NFIA: variants seen among roughly 807,000 people sequenced by gnomAD.
NFIA encodes the protein nuclear factor 1 A-type.
Under a neutral mutation model 62.8 loss-of-function variants are expected in NFIA, and 8 were observed. That is an observed-to-expected ratio of 0.13 (90% CI 0.07 to 0.23). The LOEUF is 0.23. NFIA is among the 10% of genes least tolerant of loss of function. NFIA has a pLI of 1.00. For synonymous variants in NFIA, 235 were observed against 238.1 expected (o/e 0.99, Z 0.12); for missense variants, 410 against 642.1 (o/e 0.64, Z 3.91).
At chr1:61,118,191 CAAAAA>C (rs10719154) in intron 2 of NFIA, among the ~76,000 whole-genome samples, 7 of 131,280 alleles carry the variant, frequency 5.3e-5, no homozygotes, top group African/African-American at 1.7e-4. Context: ...TCTCAAAGAA[CAAAAA>C]AAAAAAAAAG....
chr1:61,375,936 C>A (rs1664130971), intron 6 of NFIA, among the ~76,000 whole-genome samples: 1 of 152,090 alleles, frequency 6.6e-6, no homozygotes, highest in Non-Finnish European at 1.5e-5. Context: ...CTTCTATGTG[C>A]CTCACTCTCC....
chr1:61,248,792 T>A (rs1655819250), intron 2 of NFIA, among the ~76,000 whole-genome samples: 1 of 152,214 alleles, frequency 6.6e-6, no homozygotes, highest in African/African-American at 2.4e-5. Flanking sequence ...CAATTAAATC[T>A]TCCCCAGCCC....
Position 61,456,156 on chromosome 1 carries a change from T to C in NFIA, c.*836T>C, listed in dbSNP as rs570393639. On this transcript the variant is annotated 3_prime_UTR_variant, in exon 11 of 11. Transcript: ENST00000403491. ...AACTGACAGGAATCAATCAAAACAA[T>C]CGAATTTTGAATTGAGTAAAGTGCA... The C allele has an allele frequency of 1.3e-5, 2 of 152,626 alleles. No individual in the cohort carries two copies. Among genetic ancestry groups the C allele is most frequent in the African/African-American group, 4.8e-5 (2 of 41,462 alleles). 9.5% of individuals were successfully genotyped at this position (152,626 alleles called of 1,614,324 possible). A position where few individuals can be genotyped will look rare whatever the true frequency, so the allele number is the denominator to read the frequency against.
rs199804398 is a variant in NFIA, at chr1:61,205,901, C to CTT, written c.560-71591_560-71590dup. Among the ~76,000 whole-genome samples, 267 of 122,458 alleles carry CTT rather than the reference C, an allele frequency of 2.2e-3. 12 individuals are homozygous for CTT. The highest frequency in any genetic ancestry group is 6.1e-3 in the East Asian group (21 of 3,458). 80.3% of individuals were successfully genotyped at this position (122,458 alleles called of 152,430 possible). ...GTTTTACTCTTTTTATTTTGCAGCCCTTTTTTTTTTTTTTTTTTTTTTTTT... is the reference window on the plus strand; with the variant it reads ...GTTTTACTCTTTTTATTTTGCAGCCCTTTTTTTTTTTTTTTTTTTTTTTTTTT... On this transcript the variant is annotated intron_variant, in intron 2 of 10. Coordinates refer to ENST00000403491, the MANE Select transcript of NFIA (RefSeq NM_001134673.4).
At chr1:61,115,242 A>G (rs1011671091) in intron 2 of NFIA, among the ~76,000 whole-genome samples, 4 of 152,184 alleles carry the variant, frequency 2.6e-5, no homozygotes, top group Admixed American at 2.0e-4. Flanking sequence ...CAGCCTCCCA[A>G]AGTCCTGGGA....
chr1:61,407,050 A>T (rs573120394), intron 9 of NFIA, among the ~76,000 whole-genome samples: 2 of 152,212 alleles, frequency 1.3e-5, no homozygotes, highest in African/African-American at 4.8e-5. Flanking sequence ...AGCTACTTAC[A>T]TGGATTCTGC....
intron 2 of NFIA, among the ~76,000 whole-genome samples, chr1:61,113,363 C>T (rs1646737685): frequency 6.6e-6 from 1 of 151,986 alleles, no homozygotes; most frequent in African/African-American, 2.4e-5. Context: ...GTGGCCAAGG[C>T]AGGTGGATTG....
rs138644805 is a variant in NFIA at position 61,444,569 on chromosome 1, C to A, written c.1513-10734C>A. 4.2e-3 allele frequency among the ~76,000 whole-genome samples: 643 copies of A among 152,218 alleles called. 2 individuals carry two copies. Among genetic ancestry groups the A allele is most frequent in the African/African-American group, 0.015 (617 of 41,530 alleles). On this transcript the variant is annotated intron_variant, in intron 10 of 10. Coordinates refer to ENST00000403491, the MANE Select transcript of NFIA (RefSeq NM_001134673.4). ...TGAACTTGAACTTGTAAACGGTGTT[C>A]CTTGAGAACAATACAGAAAGGTTGA... is the stretch of plus-strand genomic sequence containing the variant.
chr1:61,397,615 T>C (rs188554402), intron 7 of NFIA, among the ~76,000 whole-genome samples: 43 of 152,320 alleles, frequency 2.8e-4, no homozygotes, highest in Non-Finnish European at 4.9e-4. Context: ...CCGTGTGCCT[T>C]ATATACATTG....
At chr1:61,238,909 G>A (rs1655162905) in intron 2 of NFIA, among the ~76,000 whole-genome samples, 1 of 151,994 alleles carries the variant, frequency 6.6e-6, no homozygotes, top group Non-Finnish European at 1.5e-5. Context: ...ATTTGAGAAG[G>A]GAAGAATAGA....
At chr1:61,387,480 T>TGTTTGTG (rs771854065) in intron 7 of NFIA, among the ~76,000 whole-genome samples, 1 of 143,928 alleles carries the variant, frequency 6.9e-6, no homozygotes, top group South Asian at 2.3e-4. Flanking sequence ...TTTTTTTTTT[T>TGTTTGTG]TTTTTTTTTT....
chr1:61,421,392 C>G lies in NFIA; in HGVS notation c.1421-5073C>G, dbSNP rs568134590. Among the ~76,000 whole-genome samples the G allele has an allele frequency of 4.3e-4, 65 of 152,328 alleles. 2 individuals carry two copies. In the South Asian group the frequency reaches 6.0e-3, roughly 14 times the overall value. On this transcript the variant is annotated intron_variant, in intron 9 of 10. Coordinates refer to ENST00000403491, the MANE Select transcript of NFIA (RefSeq NM_001134673.4). The stretch of plus-strand genomic sequence containing the variant: ...TCTATTAAAATGTCTCTATGATGCA[C>G]TGCGGAAGCTAGACTTGGTAGATCG...
At chr1:61,218,496 T>G (rs1653791665) in intron 2 of NFIA, among the ~76,000 whole-genome samples, 2 of 152,204 alleles carry the variant, frequency 1.3e-5, no homozygotes, top group Admixed American at 6.5e-5. Flanking sequence ...TATCCATGGA[T>G]TCAATCAACC....
intron 9 of NFIA, among the ~76,000 whole-genome samples, chr1:61,409,949 C>T (rs193021161): frequency 2.6e-5 from 4 of 152,348 alleles, no homozygotes; most frequent in African/African-American, 9.6e-5. Flanking sequence ...AGTGAAGTAG[C>T]TTCTCCCTCC....
chr1:61,240,499 T>C (rs192961108), intron 2 of NFIA, among the ~76,000 whole-genome samples: 10 of 152,184 alleles, frequency 6.6e-5, no homozygotes, highest in African/African-American at 2.4e-4. Context: ...GACTTTTTTT[T>C]CCACAAACCG....
At chr1:61,384,465 TA>T (rs1455549889) in intron 7 of NFIA, among the ~76,000 whole-genome samples, 1 of 152,194 alleles carries the variant, frequency 6.6e-6, no homozygotes, top group Non-Finnish European at 1.5e-5. Context: ...TGATCATTGG[TA>T]GAACTTTCTC....
chr1:61,241,828 C>A (rs1311886539), intron 2 of NFIA, among the ~76,000 whole-genome samples: 1 of 152,082 alleles, frequency 6.6e-6, no homozygotes, highest in Non-Finnish European at 1.5e-5. Flanking sequence ...CAGGGGAATA[C>A]ATGAGGTGAA....
intron 2 of NFIA, chr1:61,249,120 T>G (rs1368324011): frequency 6.6e-6 from 1 of 152,222 alleles, no homozygotes; most frequent in Non-Finnish European, 1.5e-5. Context: ...CTGAAAGACA[T>G]AAAACAATAC....
intron 2 of NFIA, among the ~76,000 whole-genome samples, chr1:61,143,771 T>C (rs1557595566): frequency 6.6e-6 from 1 of 152,158 alleles, no homozygotes; most frequent in East Asian, 1.9e-4. Context: ...ATCGAGTCTA[T>C]ATTCAGCAAG....
Sources: allele counts gnomAD v4.1 joint callset (sites outside exome capture counted in the v4.1 genomes callset), GRCh38; gene constraint gnomAD v4.1.1; transcripts MANE v1.5; gene names NCBI Gene and HGNC (gene_info 2026-07-23, HGNC 2026-07-21).